Variants in ERCC4 observed in about 807,000 individuals in gnomAD.
The protein encoded by ERCC4 is ERCC excision repair 4, endonuclease catalytic subunit, also known as DNA repair endonuclease XPF.
ERCC4 carries 65 observed loss-of-function variants against 76.9 expected under a neutral mutation model. That is an observed-to-expected ratio of 0.84 (90% CI 0.69 to 1.04). ERCC4 has a LOEUF of 1.04. Ranked by LOEUF, ERCC4 falls within the 50% of genes least tolerant of loss-of-function variation. The pLI is 0.00. For missense variants in ERCC4, 1,214 were observed against 1,128.2 expected (o/e 1.08, Z -1.09); for synonymous variants, 463 against 410.1 (o/e 1.13, Z -1.56).
chr16:13,929,952 G>T (rs2032142237), intron 4 of ERCC4, among the ~76,000 whole-genome samples: 1 of 152,122 alleles, frequency 6.6e-6, no homozygotes, highest in Non-Finnish European at 1.5e-5. Context: ...TACAGAGTGA[G>T]ACTCCATCTC....
chr16:13,935,073 G>C, intron 7 of ERCC4, 73 bp from the exon 8 acceptor site: 12 of 1,132,366 alleles, frequency 1.1e-5, no homozygotes, highest in Non-Finnish European at 1.5e-5. Flanking sequence ...TTCGGGTGAA[G>C]GAATAAGGGG....
chr16:13,930,866 G>C lies in ERCC4; in HGVS notation c.949G>C (p.Glu317Gln). 6.2e-7 allele frequency: 1 copy of C among 1,613,290 alleles called. No homozygotes were observed. The highest frequency in any genetic ancestry group is 8.5e-7 in the Non-Finnish European group (1 of 1,179,316). The stretch of plus-strand genomic sequence containing the variant: ...TCTTCTGGAATCTCTGAGAGCAACG[G>C]AAAAAGCTTTTGGTCAGAATTCAGG... ...LNLLESLRAT[E>Q]KAFGQNSGWL... is the part of the protein sequence containing the mutation. Residue 317 changes from glutamate to glutamine, a missense_variant, in exon 5 of 11, where the codon GAA becomes CAA. Transcript: ENST00000311895.
intron 3 of ERCC4, among the ~76,000 whole-genome samples, chr16:13,927,233 C>T (rs954841749): frequency 3.9e-5 from 6 of 152,126 alleles, no homozygotes; most frequent in Non-Finnish European, 5.9e-5. Context: ...CCTATGCTAC[C>T]ATGTATTTTG....
chr16:13,928,812 C>G (rs2032118620), intron 4 of ERCC4, among the ~76,000 whole-genome samples: 1 of 152,050 alleles, frequency 6.6e-6, no homozygotes, highest in South Asian at 2.1e-4. Flanking sequence ...ACATAAACGT[C>G]TAGTATTGAA....
At chr16:13,946,433 A>C (rs1420799972) in intron 10 of ERCC4, among the ~76,000 whole-genome samples, 1 of 152,238 alleles carries the variant, frequency 6.6e-6, no homozygotes. Flanking sequence ...AATGGTAAGT[A>C]TTTGTGTATG....
rs1596638670 is a variant in ERCC4 at position 13,950,660 on chromosome 16, T to G, written c.*2313T>G. 3 of 193,224 alleles carry G rather than the reference T, an allele frequency of 1.6e-5. No individual in the cohort carries two copies. In the East Asian group the frequency reaches 2.5e-4, roughly 16 times the overall value. The allele number at this position is 193,224 out of a possible 1,614,324, so 12.0% of individuals were successfully genotyped here. ...CCACTTCAAATGATAATGATTATTA[T>G]AATGTCTCTTCACCCTATTCTAGCA... is the stretch of plus-strand genomic sequence containing the variant. On this transcript the variant is annotated 3_prime_UTR_variant, in exon 11 of 11. Transcript: ENST00000311895.
In ERCC4 at chr16:13,950,661, A is replaced by T. The variant is rs2032613841; in HGVS notation, c.*2314A>T. 1.0e-5 allele frequency: 2 copies of T among 193,428 alleles called. No individual in the cohort carries two copies. Among genetic ancestry groups the T allele is most frequent in the Admixed American group, 6.1e-5 (1 of 16,342 alleles). 12.0% of individuals were successfully genotyped at this position (193,428 alleles called of 1,614,324 possible). ...CACTTCAAATGATAATGATTATTAT[A>T]ATGTCTCTTCACCCTATTCTAGCAC... On this transcript the variant is annotated 3_prime_UTR_variant, in exon 11 of 11. Transcript: ENST00000311895.
intron 6 of ERCC4, chr16:13,933,163 C>T: frequency 6.8e-6 from 2 of 294,212 alleles, no homozygotes; most frequent in South Asian, 5.6e-5. Flanking sequence ...AAGGTGACAC[C>T]AAGATATGAT....
chr16:13,938,073 T>A (rs2032340842), intron 9 of ERCC4, among the ~76,000 whole-genome samples: 2 of 152,060 alleles, frequency 1.3e-5, no homozygotes, highest in Non-Finnish European at 2.9e-5. Flanking sequence ...TCCAGTTGCT[T>A]TTCAGTGGTT....
intron 9 of ERCC4, among the ~76,000 whole-genome samples, chr16:13,940,618 C>T (rs2032394911): frequency 6.6e-6 from 1 of 152,202 alleles, no homozygotes; most frequent in Non-Finnish European, 1.5e-5. Flanking sequence ...CACATAGACA[C>T]AGAGTACCTC....
chr16:13,922,585 T>C (rs1596618453), intron 2 of ERCC4: 1 of 676,578 alleles, frequency 1.5e-6, no homozygotes. Context: ...GGCTTTATCC[T>C]TGGGCACACA....
Position 13,935,206 on chromosome 16 carries a change from C to G in ERCC4, c.1274C>G (p.Thr425Ser). 1 of 1,614,072 alleles carries G rather than the reference C, an allele frequency of 6.2e-7. No individual in the cohort carries two copies. The highest frequency in any genetic ancestry group is 8.5e-7 in the Non-Finnish European group (1 of 1,179,990). ...TGTTCCCAGCTGAGAGACTATATCA[C>G]TCTTGGAGCGGAGGCCTTCTTATTG... The part of the protein sequence containing the change: ...RTCSQLRDYI[T>S]LGAEAFLLRL... The change falls in exon 8 of 11, where the codon ACT becomes AGT. Residue 425 changes from threonine to serine, a missense_variant. Coordinates refer to ENST00000311895, the MANE Select transcript of ERCC4 (RefSeq NM_005236.3).
intron 2 of ERCC4, among the ~76,000 whole-genome samples, chr16:13,925,952 A>G (rs1387523558): frequency 6.6e-6 from 1 of 152,164 alleles, no homozygotes; most frequent in Non-Finnish European, 1.5e-5. Flanking sequence ...CCCCAAAGAC[A>G]TGTATAAGTA....
In ERCC4 at chr16:13,926,686, G is replaced by A. The variant is rs1405781900; in HGVS notation, c.514G>A (p.Asp172Asn). Residue 172 changes from aspartate to asparagine, a missense_variant, in exon 3 of 11, where the codon GAT becomes AAT. Transcript: ENST00000311895. The stretch of plus-strand genomic sequence containing the variant: ...TTTCACAGACAATGCTGTTGCCTTT[G>A]ATACTGGTTTTTGTCATGTGGAAAG... ...KAFTDNAVAF[D>N]TGFCHVERVM... is the part of the protein sequence containing the mutation. 2 of 1,613,962 alleles carry A rather than the reference G, an allele frequency of 1.2e-6. No individual in the cohort carries two copies. The highest frequency in any genetic ancestry group is 2.2e-5 in the South Asian group (2 of 91,070).
rs1295720869 is a variant in ERCC4, at chr16:13,948,030, T to C, written c.2434T>C (p.Leu812=). ...CCCCTCTCCTCATGCAACGGCGGAGTTGTTTGAGGAGCTGAAACAAAGCAA... is the reference window on the plus strand; with the variant it reads ...CCCCTCTCCTCATGCAACGGCGGAGCTGTTTGAGGAGCTGAAACAAAGCAA... ...WCPSPHATAE[L]FEELKQSKPQ... The change falls in exon 11 of 11, where the codon TTG becomes CTG. Residue 812 remains leucine, a synonymous_variant. Transcript: ENST00000311895. 2.1e-5 allele frequency: 34 copies of C among 1,613,606 alleles called. No individual in the cohort carries two copies. The highest frequency in any genetic ancestry group is 1.6e-4 in the Middle Eastern group (1 of 6,082).
intron 10 of ERCC4, among the ~76,000 whole-genome samples, chr16:13,945,581 C>T (rs2032498127): frequency 6.6e-6 from 1 of 152,116 alleles, no homozygotes; most frequent in Non-Finnish European, 1.5e-5. Context: ...TTTAGAATAA[C>T]CTCAGATGCT....
chr16:13,926,670 C>T lies in ERCC4; in HGVS notation c.498C>T (p.Asp166=). The part of the protein sequence containing the change: ...NKRGFIKAFT[D]NAVAFDTGFC... The stretch of plus-strand genomic sequence containing the variant: ...GTGGTTTTATTAAAGCTTTCACAGA[C>T]AATGCTGTTGCCTTTGATACTGGTT... Residue 166 remains aspartate (D), a synonymous_variant, in exon 3 of 11, where the codon GAC becomes GAT. Coordinates refer to ENST00000311895, the MANE Select transcript of ERCC4 (RefSeq NM_005236.3). 1 of 1,614,014 alleles carries T rather than the reference C, an allele frequency of 6.2e-7. No individual in the cohort carries two copies. The highest frequency in any genetic ancestry group is 8.5e-7 in the Non-Finnish European group (1 of 1,179,922).
chr16:13,930,952 G>A lies in ERCC4; in HGVS notation c.973+62G>A, dbSNP rs1327383387. On this transcript the variant is annotated intron_variant, in intron 5 of 10. Transcript: ENST00000311895. ...GATTTGAATAAAGTGTTAGGTTTTA[G>A]GGGGAATCAGGTGTGAAAAGTGCTA... 4.3e-6 allele frequency: 5 copies of A among 1,164,200 alleles called. No homozygotes were observed. In the East Asian group the frequency reaches 1.2e-4, roughly 28 times the overall value. The allele number at this position is 1,164,200 out of a possible 1,614,324, so 72.1% of individuals were successfully genotyped here. A position where few individuals can be genotyped will look rare whatever the true frequency, so the allele number is the denominator to read the frequency against.
intron 1 of ERCC4, among the ~76,000 whole-genome samples, 199 bp from the exon 2 acceptor site, chr16:13,921,832 A>G (rs541448387): frequency 3.3e-5 from 5 of 152,304 alleles, no homozygotes; most frequent in African/African-American, 9.6e-5. Flanking sequence ...ATTATTCCTT[A>G]GTGTAAACCC....
Sources: allele counts gnomAD v4.1 joint callset (sites outside exome capture counted in the v4.1 genomes callset), GRCh38; gene constraint gnomAD v4.1.1; transcripts MANE v1.5; gene names NCBI Gene and HGNC (gene_info 2026-07-23, HGNC 2026-07-21).